Variants in STYK1 observed in about 807,000 individuals in gnomAD.
STYK1 encodes tyrosine-protein kinase STYK1.
A neutral mutation model predicts 48.1 loss-of-function variants in STYK1; 46 were observed. The ratio of observed to expected loss-of-function variants is 0.96; its 90% confidence interval spans 0.75 to 1.22. The LOEUF (loss-of-function observed/expected upper bound fraction) is 1.22, where lower values mean the gene tolerates loss of function less well. Ranked by LOEUF, STYK1 falls within the 50% of genes most tolerant of loss-of-function variation. The pLI, the probability that STYK1 is intolerant of heterozygous loss-of-function variation, is 0.00. For missense variants in STYK1, 527 were observed against 521.1 expected (o/e 1.01, Z -0.11); for synonymous variants, 188 against 189.0 (o/e 0.99, Z 0.04).
intron 4 of STYK1, among the ~76,000 whole-genome samples, chr12:10,632,620 A>T (rs939595008): frequency 3.9e-5 from 6 of 152,338 alleles, no homozygotes; most frequent in African/African-American, 9.6e-5. Context: ...GACTGACTGT[A>T]TTAAAAGACT....
At position 10,624,831 on chromosome 12, in the gene STYK1, T is replaced by G; in HGVS notation, c.746A>C (p.His249Pro). Residue 249 changes from histidine (H) to proline (P), a missense_variant, in exon 8 of 11, where the codon CAT becomes CCT. By Grantham distance (77) the His-to-Pro change is moderately conservative (BLOSUM62 -2). Coordinates refer to ENST00000075503, the MANE Select transcript of STYK1 (RefSeq NM_018423.3). ...AATATTCCTGGCTGCCACATCCCCATGGAACAAATGCTTCTCCTGCAGGAA... is the reference window on the plus strand; with the variant it reads ...AATATTCCTGGCTGCCACATCCCCAGGGAACAAATGCTTCTCCTGCAGGAA... The part of the protein sequence containing the change: ...LEFLQEKHLF[H>P]GDVAARNILM... The G allele has an allele frequency of 1.9e-6, 3 of 1,614,112 alleles. No homozygotes were observed. The highest frequency in any genetic ancestry group is 2.5e-6 in the Non-Finnish European group (3 of 1,180,008).
chr12:10,654,746 C>T (rs546366440), intron 1 of STYK1, among the ~76,000 whole-genome samples: 1 of 152,302 alleles, frequency 6.6e-6, no homozygotes, highest in East Asian at 1.9e-4. Context: ...AGAGGCCCCT[C>T]TCAGTAAAGT....
chr12:10,634,086 T>C lies in STYK1; in HGVS notation c.91A>G (p.Thr31Ala). ...EKQYEVIIVPTLLVTIFLILL... is the reference protein window; with the variant it reads ...EKQYEVIIVPALLVTIFLILL... ...ATGAGGAAGATAGTAACCAACAAAG[T>C]TGGGACGATAATCACTTCATACTGC... is the stretch of plus-strand genomic sequence containing the variant. The change falls in exon 4 of 11, where the codon ACT becomes GCT. Residue 31 changes from threonine to alanine, a missense_variant. Physicochemically the swap from Thr to Ala is moderately conservative, Grantham distance 58. Transcript: ENST00000075503. The C allele has an allele frequency of 2.5e-6, 4 of 1,614,058 alleles. No homozygotes were observed.
intron 1 of STYK1, among the ~76,000 whole-genome samples, chr12:10,661,861 A>T (rs1947780578): frequency 2.0e-5 from 3 of 152,308 alleles, no homozygotes; most frequent in South Asian, 4.1e-4. Context: ...TTATAAATTG[A>T]GATATAATTC....
chr12:10,621,240 T>C (rs890865816), intron 10 of STYK1, among the ~76,000 whole-genome samples: 1 of 152,210 alleles, frequency 6.6e-6, no homozygotes, highest in African/African-American at 2.4e-5. Flanking sequence ...AATAACAGTC[T>C]ATGTAATTTT....
intron 1 of STYK1, among the ~76,000 whole-genome samples, chr12:10,641,737 C>G (rs1211810635): frequency 1.3e-5 from 2 of 152,300 alleles, no homozygotes; most frequent in Middle Eastern, 3.4e-3. Context: ...TAAACAATAA[C>G]AAACTCCTGG....
At chr12:10,655,836 T>G (rs765902144) in intron 1 of STYK1, among the ~76,000 whole-genome samples, 1 of 152,228 alleles carries the variant, frequency 6.6e-6, no homozygotes, top group African/African-American at 2.4e-5. Flanking sequence ...ATTTTTGAAG[T>G]GCTATGGTTA....
At chr12:10,626,233 G>T (rs753715464) in intron 7 of STYK1, among the ~76,000 whole-genome samples, 1 of 152,198 alleles carries the variant, frequency 6.6e-6, no homozygotes, top group Non-Finnish European at 1.5e-5. Context: ...ATATTGCCTT[G>T]TAACAGGTAG....
chr12:10,620,226 G>A lies in STYK1; in HGVS notation c.1187C>T (p.Pro396Leu), dbSNP rs201489196. 217 of 1,614,062 alleles carry A rather than the reference G, an allele frequency of 1.3e-4. No homozygotes were observed. The highest frequency in any genetic ancestry group is 1.8e-4 in the Non-Finnish European group (208 of 1,180,044). The stretch of plus-strand genomic sequence containing the variant: ...ATACAGTTCAGGTACCACCAACTCT[G>A]GTACTTGTAACACAGCCTCGTCATC... ...TADDEAVLQV[P>L]ELVVPELYAA... Residue 396 changes from proline (P) to leucine (L), a missense_variant, in exon 11 of 11, where the codon CCA becomes CTA. Pro to Leu is a moderately conservative substitution (Grantham distance 98). Coordinates refer to ENST00000075503, the MANE Select transcript of STYK1 (RefSeq NM_018423.3).
At chr12:10,660,026 AG>A (rs1272454936) in intron 1 of STYK1, among the ~76,000 whole-genome samples, 1 of 152,192 alleles carries the variant, frequency 6.6e-6, no homozygotes, top group Non-Finnish European at 1.5e-5. Context: ...GGTAATATAA[AG>A]ATCTGGATCA....
At chr12:10,647,649 G>A (rs896142129) in intron 1 of STYK1, among the ~76,000 whole-genome samples, 10 of 152,102 alleles carry the variant, frequency 6.6e-5, no homozygotes, top group African/African-American at 2.4e-4. Flanking sequence ...CATGAGATTC[G>A]GGAAGGGCCA....
chr12:10,657,805 G>T (rs1279947360), intron 1 of STYK1, among the ~76,000 whole-genome samples: 2 of 152,154 alleles, frequency 1.3e-5, no homozygotes, highest in Non-Finnish European at 2.9e-5. Flanking sequence ...ACCAGGTTTT[G>T]CACCAAAAAT....
At chr12:10,625,668 T>C (rs1222680581) in intron 7 of STYK1, among the ~76,000 whole-genome samples, 1 of 152,196 alleles carries the variant, frequency 6.6e-6, no homozygotes, top group Admixed American at 6.5e-5. Context: ...TAAATCTAAA[T>C]GATTACAAAA....
Position 10,673,631 on chromosome 12 carries a change from C to G in STYK1, c.-195+335G>C, listed in dbSNP as rs1219261019. 2.6e-5 allele frequency: 4 copies of G among 152,074 alleles called. No individual in the cohort carries two copies. In the East Asian group the frequency reaches 5.8e-4, roughly 22 times the overall value. The allele number at this position is 152,074 out of a possible 1,614,324, so 9.4% of individuals were successfully genotyped here. On this transcript the variant is annotated intron_variant, in intron 1 of 10. Transcript: ENST00000075503. The stretch of plus-strand genomic sequence containing the variant: ...TGTAACCTCATTCTTTCCCTTCCCC[C>G]TCTCCTGATGGCCCCCTCTCCAGGA...
intron 1 of STYK1, chr12:10,667,208 G>A (rs1253284881): frequency 6.6e-6 from 1 of 152,214 alleles, no homozygotes; most frequent in Non-Finnish European, 1.5e-5. Flanking sequence ...ACTAAAACAG[G>A]TTTCCTTTTC....
chr12:10,620,161 TGTA>T lies in STYK1; in HGVS notation c.1249_1251del (p.Tyr417del). ...GAGACTCTTCAAAGCATGCTATAGT[TGTA>T]GAAGAGGCTCTCCACTCTGATGCCG... is the stretch of plus-strand genomic sequence containing the variant. On this transcript the variant is annotated inframe_deletion, in exon 11 of 11. Coordinates refer to ENST00000075503, the MANE Select transcript of STYK1 (RefSeq NM_018423.3). The T allele has an allele frequency of 6.2e-7, 1 of 1,614,212 alleles. No individual in the cohort carries two copies. The highest frequency in any genetic ancestry group is 1.1e-5 in the South Asian group (1 of 91,088).
At chr12:10,670,474 G>A (rs907515096) in intron 1 of STYK1, among the ~76,000 whole-genome samples, 7 of 151,986 alleles carry the variant, frequency 4.6e-5, no homozygotes, top group African/African-American at 7.2e-5. Context: ...AGCTAGGCAC[G>A]AAAAGAAAAA....
At chr12:10,667,341 T>A (rs1046587372) in intron 1 of STYK1, 1 of 152,154 alleles carries the variant, frequency 6.6e-6, no homozygotes. Context: ...TCAGCTGACC[T>A]CCGTGGCTGA....
intron 7 of STYK1, among the ~76,000 whole-genome samples, chr12:10,625,205 TTTTTG>T (rs1303797007): frequency 2.0e-5 from 2 of 97,708 alleles, no homozygotes; most frequent in Non-Finnish European, 4.9e-5. Flanking sequence ...TTTCTTTCTT[TTTTTG>T]TTTGTTTGTT....
Sources: gnomAD v4.1 joint callset for allele counts (sites outside exome capture counted in the v4.1 genomes callset) on GRCh38, gnomAD v4.1.1 for gene constraint, MANE v1.5 for transcripts, NCBI Gene and HGNC (gene_info 2026-07-23, HGNC 2026-07-21) for gene names.